CKLF: variants seen among roughly 807,000 people sequenced by gnomAD.
The protein encoded by CKLF is chemokine like factor.
Under a neutral mutation model 12.9 loss-of-function variants are expected in CKLF, and 16 were observed. That is an observed-to-expected ratio of 1.24 (90% CI 0.84 to 1.88). The LOEUF (loss-of-function observed/expected upper bound fraction) is 1.88, where lower values mean the gene tolerates loss of function less well. Ranked by LOEUF, CKLF falls within the 40% of genes most tolerant of loss-of-function variation. The probability of loss-of-function intolerance (pLI) is 0.00; values close to 1 mark genes in which losing one functional copy is unlikely to be tolerated. For synonymous variants in CKLF, 61 were observed against 69.0 expected, an observed-to-expected ratio of 0.88 and a Z score of 0.57; for missense variants, 172 against 188.5, an observed-to-expected ratio of 0.91 and a Z score of 0.51.
At chr16:66,566,212 T>G (rs2012295047), downstream of CKLF, 15 of 1,503,000 alleles carry the variant, frequency 1.0e-5, no homozygotes, top group Non-Finnish European at 1.3e-5. This position sits in a 1 kb window ranked among gnomAD's most constrained non-coding sequence, Gnocchi z 4.9. Flanking sequence ...CGGGCCTGGG[T>G]GGCAGGGAAG....
chr16:66,564,239 A>T (rs1478722373), intron 3 of CKLF, among the ~76,000 whole-genome samples: 2 of 152,204 alleles, frequency 1.3e-5, no homozygotes, highest in Non-Finnish European at 2.9e-5. Context: ...TGTGCTATTC[A>T]GTATAGTAAC....
At position 66,563,132 on chromosome 16, in the gene CKLF, A is replaced by G. The variant is rs1478121546; in HGVS notation, c.248A>G (p.Asn83Ser). 1.2e-6 allele frequency: 2 copies of G among 1,614,052 alleles called. No individual in the cohort carries two copies. Among genetic ancestry groups the G allele is most frequent in the Non-Finnish European group, 8.5e-7 (1 of 1,179,996 alleles). Residue 83 changes from asparagine to serine, a missense_variant, in exon 3 of 4, where the codon AAC (asparagine) becomes AGC (serine). By Grantham distance (46) the Asn-to-Ser change is conservative (BLOSUM62 1). Transcript: ENST00000264001. ...ATTGTGTGTTTTTAGGATATTATCAACTCACTGGTAACAACAGTATTCATG... is the reference window on the plus strand; with the variant it reads ...ATTGTGTGTTTTTAGGATATTATCAGCTCACTGGTAACAACAGTATTCATG... ...WLFWPLLDIINSLVTTVFMLI... is the reference protein window; with the variant it reads ...WLFWPLLDIISSLVTTVFMLI...
intron 1 of CKLF, 29 bp downstream of exon 1, chr16:66,552,822 C>T (rs1340065299): frequency 6.2e-7 from 1 of 1,613,564 alleles, no homozygotes; most frequent in African/African-American, 1.3e-5. Flanking sequence ...GGGCGGGAGG[C>T]TGATGAAGCT....
intron 3 of CKLF, 186 bp from the exon 4 acceptor site, chr16:66,565,700 A>G (rs1292356322): frequency 9.7e-6 from 6 of 617,356 alleles, no homozygotes; most frequent in Middle Eastern, 4.4e-4. Flanking sequence ...AAGTATTTAG[A>G]AAACTTAGCA....
At chr16:66,562,123 C>G (rs1448430694) in intron 2 of CKLF, among the ~76,000 whole-genome samples, 1 of 150,492 alleles carries the variant, frequency 6.6e-6, no homozygotes, top group Non-Finnish European at 1.5e-5. Flanking sequence ...AAAAAAAATT[C>G]CACCAGGCTG....
intron 1 of CKLF, among the ~76,000 whole-genome samples, chr16:66,554,590 A>T (rs369518799): frequency 4.6e-5 from 7 of 152,334 alleles, no homozygotes; most frequent in African/African-American, 1.4e-4. Context: ...AGCAAACACA[A>T]TAAATTTTAG....
intron 2 of CKLF, among the ~76,000 whole-genome samples, chr16:66,559,130 T>C (rs190964790): frequency 6.6e-6 from 1 of 152,214 alleles, no homozygotes; most frequent in Non-Finnish European, 1.5e-5. Context: ...CCTCTTTGGC[T>C]GGACTGATTG....
At chr16:66,560,253 T>C (rs920313188) in intron 2 of CKLF, among the ~76,000 whole-genome samples, 2 of 152,146 alleles carry the variant, frequency 1.3e-5, no homozygotes, top group African/African-American at 4.8e-5. Context: ...TGGTTGGGTA[T>C]TGAGTTGTGA....
chr16:66,564,502 C>G (rs1380437345), intron 3 of CKLF, among the ~76,000 whole-genome samples: 3 of 147,758 alleles, frequency 2.0e-5, no homozygotes, highest in Admixed American at 6.8e-5. Flanking sequence ...GAGTCTGTCT[C>G]TGTCGCCCAG....
chr16:66,563,711 A>T (rs1172948479), intron 3 of CKLF, among the ~76,000 whole-genome samples: 1 of 152,224 alleles, frequency 6.6e-6, no homozygotes, highest in Non-Finnish European at 1.5e-5. Context: ...TTGGCAGGGC[A>T]CCTTGCAACT....
intron 3 of CKLF, among the ~76,000 whole-genome samples, chr16:66,565,416 C>G (rs556318562): frequency 1.1e-4 from 16 of 152,330 alleles, no homozygotes; most frequent in African/African-American, 3.8e-4. Context: ...TTTGGATCAT[C>G]TTATTAACTC....
At chr16:66,552,842 C>G in intron 1 of CKLF, 49 bp downstream of exon 1, 1 of 1,612,770 alleles carries the variant, frequency 6.2e-7, no homozygotes, top group South Asian at 1.1e-5. Context: ...TGCTGGGGGG[C>G]GGGAGATGTG....
chr16:66,558,575 T>C (rs2011543072), intron 2 of CKLF: 2 of 420,022 alleles, frequency 4.8e-6, no homozygotes, highest in Non-Finnish European at 4.1e-6. Flanking sequence ...TCAGTAGATG[T>C]GGCTGACGCT....
At chr16:66,560,897 A>C (rs1226372243) in intron 2 of CKLF, among the ~76,000 whole-genome samples, 2 of 152,112 alleles carry the variant, frequency 1.3e-5, no homozygotes, top group Admixed American at 1.3e-4. Flanking sequence ...TCCAGTGGGC[A>C]AGTGACAGGA....
In CKLF at chr16:66,552,754, C is replaced by G. The variant is rs369128458; in HGVS notation, c.39C>G (p.Phe13Leu). 61 of 1,614,158 alleles carry G rather than the reference C, an allele frequency of 3.8e-5. No homozygotes were observed. In the African/African-American group the frequency reaches 6.7e-4, roughly 18 times the overall value. Residue 13 changes from phenylalanine (F) to leucine (L), a missense_variant, in exon 1 of 4, where the codon TTC (phenylalanine) becomes TTG (leucine). By Grantham distance (22) the Phe-to-Leu change is conservative. Coordinates refer to ENST00000264001, the MANE Select transcript of CKLF (RefSeq NM_016951.4). Reference protein sequence around the residue: ...NVQPKIKHRPFCFSVKGHVKM... With the variant: ...NVQPKIKHRPLCFSVKGHVKM... ...AGCCGAAAATAAAACATCGCCCCTTCTGCTTCAGTGTGAAAGGCCACGTGA... is the reference window on the plus strand; with the variant it reads ...AGCCGAAAATAAAACATCGCCCCTTGTGCTTCAGTGTGAAAGGCCACGTGA...
intron 3 of CKLF, among the ~76,000 whole-genome samples, chr16:66,564,455 T>C (rs1359360370): frequency 1.3e-5 from 2 of 152,078 alleles, no homozygotes; most frequent in Non-Finnish European, 2.9e-5. Context: ...TTAAAATCTA[T>C]GACTTATTTT....
chr16:66,554,920 G>A (rs1484316621), intron 1 of CKLF, among the ~76,000 whole-genome samples: 2 of 152,142 alleles, frequency 1.3e-5, no homozygotes, highest in Admixed American at 6.5e-5. Context: ...TTTAAGTAAA[G>A]TATATGATCT....
At chr16:66,562,699 T>C (rs2011817644) in intron 2 of CKLF, among the ~76,000 whole-genome samples, 1 of 152,196 alleles carries the variant, frequency 6.6e-6, no homozygotes, top group African/African-American at 2.4e-5. Flanking sequence ...TTTAATAAAA[T>C]GAAACTTTCA....
In CKLF at chr16:66,553,861, A is replaced by T. The variant is rs548974574; in HGVS notation, c.78+1068A>T. Among the ~76,000 whole-genome samples the T allele has an allele frequency of 4.6e-5, 7 of 152,350 alleles. No homozygotes were observed. In the East Asian group the frequency reaches 1.3e-3, roughly 29 times the overall value. On this transcript the variant is annotated intron_variant, in intron 1 of 3. Coordinates refer to ENST00000264001, the MANE Select transcript of CKLF (RefSeq NM_016951.4). ...GGTGAGTGGGTTGAACAAAGTGCAT[A>T]TAAGATCCTTCTCACACCAAAAGTC... is the stretch of plus-strand genomic sequence containing the variant.
Sources: allele counts gnomAD v4.1 joint callset (sites outside exome capture counted in the v4.1 genomes callset), GRCh38; gene constraint gnomAD v4.1.1; non-coding constraint Gnocchi (gnomAD v3.1); transcripts MANE v1.5; gene names NCBI Gene and HGNC (gene_info 2026-07-23, HGNC 2026-07-21).